MGAT4C: variants seen among roughly 807,000 people sequenced by gnomAD.
MGAT4C encodes the protein MGAT4 family member C, also known as alpha-1,3-mannosyl-glycoprotein 4-beta-N-acetylglucosaminyltransferase C.
MGAT4C carries 19 observed loss-of-function variants against 40.1 expected under a neutral mutation model. The ratio of observed to expected loss-of-function variants is 0.47; its 90% CI spans 0.33 to 0.70. MGAT4C has a LOEUF of 0.70. Ranked by LOEUF, MGAT4C falls within the 30% of genes least tolerant of loss-of-function variation. MGAT4C has a pLI of 0.02. For synonymous variants in MGAT4C, 181 were observed against 187.1 expected (o/e 0.97, Z 0.27); for missense variants, 491 against 563.2 (o/e 0.87, Z 1.30).
intron 2 of MGAT4C, among the ~76,000 whole-genome samples, chr12:86,672,633 A>G (rs889696538): frequency 2.0e-5 from 3 of 152,170 alleles, no homozygotes; most frequent in Non-Finnish European, 4.4e-5. Flanking sequence ...ATTAGTGGAT[A>G]CTATGAGCGA....
intron 4 of MGAT4C, among the ~76,000 whole-genome samples, chr12:86,305,209 G>A (rs1461818138): frequency 1.3e-5 from 2 of 150,408 alleles, no homozygotes; most frequent in African/African-American, 2.5e-5. Context: ...GGAGGCCGAA[G>A]CAGGCGGATC....
chr12:86,011,637 G>A (rs1888470353), intron 2 of MGAT4C, among the ~76,000 whole-genome samples: 1 of 152,092 alleles, frequency 6.6e-6, no homozygotes, highest in Non-Finnish European at 1.5e-5. Context: ...AGTAGGATAG[G>A]GCCAATAGGT....
At chr12:86,550,871 A>T (rs1959320553) in intron 2 of MGAT4C, among the ~76,000 whole-genome samples, 1 of 152,222 alleles carries the variant, frequency 6.6e-6, no homozygotes, top group South Asian at 2.1e-4. Flanking sequence ...GGGGCCTGAC[A>T]AATAGCCCTA....
At chr12:86,033,139 A>C (rs1222086049) in intron 2 of MGAT4C, among the ~76,000 whole-genome samples, 2 of 144,630 alleles carry the variant, frequency 1.4e-5, no homozygotes, top group Non-Finnish European at 3.1e-5. Context: ...GTTTTGTAGC[A>C]GAACCATGCT....
In MGAT4C at chr12:86,699,973, G is replaced by T. The variant is rs796471852; in HGVS notation, c.-229+27236C>A. Among the ~76,000 whole-genome samples, 12 of 151,518 alleles carry T rather than the reference G, an allele frequency of 7.9e-5. 1 individual carries two copies. The highest frequency in any genetic ancestry group is 2.4e-4 in the African/African-American group (10 of 41,316). The stretch of plus-strand genomic sequence containing the variant: ...CTTGATGTAATCGTTATTGAAAAAA[G>T]GATGTGTATAATTGGGCCTATGCAG... On this transcript the variant is annotated intron_variant, in intron 2 of 7. Coordinates refer to the MGAT4C transcript ENST00000548651.
At chr12:86,224,150 G>A (rs1428120971) in intron 1 of MGAT4C, among the ~76,000 whole-genome samples, 1 of 152,086 alleles carries the variant, frequency 6.6e-6, no homozygotes, top group Non-Finnish European at 1.5e-5. Context: ...CTGCCACCAG[G>A]GGGGTCTGAA....
chr12:86,052,997 T>G (rs923053209), intron 1 of MGAT4C, among the ~76,000 whole-genome samples: 9 of 151,970 alleles, frequency 5.9e-5, no homozygotes, highest in Admixed American at 3.3e-4. Flanking sequence ...TCACTTTATT[T>G]ATTTTACTGG....
At chr12:86,520,869 A>G (rs915724012) in intron 2 of MGAT4C, among the ~76,000 whole-genome samples, 1 of 152,104 alleles carries the variant, frequency 6.6e-6, no homozygotes, top group Non-Finnish European at 1.5e-5. Flanking sequence ...TGCTTCATGT[A>G]TGTCTTTTAA....
intron 1 of MGAT4C, among the ~76,000 whole-genome samples, chr12:86,059,975 A>T (rs997128533): frequency 6.6e-6 from 1 of 152,220 alleles, no homozygotes; most frequent in Non-Finnish European, 1.5e-5. Flanking sequence ...TTAAGAAAAG[A>T]CAGCATTTTC....
intron 1 of MGAT4C, among the ~76,000 whole-genome samples, chr12:86,727,916 CACTT>C (rs1430189869): frequency 5.9e-5 from 9 of 152,056 alleles, no homozygotes; most frequent in East Asian, 1.9e-4. Context: ...ACAAAAAACT[CACTT>C]AATTCTCAAT....
intron 1 of MGAT4C, among the ~76,000 whole-genome samples, chr12:86,747,685 C>G (rs1353642404): frequency 6.6e-6 from 1 of 151,506 alleles, no homozygotes; most frequent in East Asian, 1.9e-4. Flanking sequence ...ACTTGGCATT[C>G]TAAACATGCA....
At chr12:86,599,489 T>G (rs1961680243) in intron 2 of MGAT4C, 1 of 152,174 alleles carries the variant, frequency 6.6e-6, no homozygotes, top group Admixed American at 6.6e-5. Context: ...GCATTATGAA[T>G]GTACTTCATT....
At chr12:86,528,292 T>C (rs1958918996) in intron 2 of MGAT4C, among the ~76,000 whole-genome samples, 2 of 152,046 alleles carry the variant, frequency 1.3e-5, no homozygotes, top group Admixed American at 1.3e-4. Context: ...GGCCACAAAA[T>C]AACCATTAAT....
chr12:86,481,254 G>A (rs1042907116), intron 2 of MGAT4C, among the ~76,000 whole-genome samples: 1 of 151,910 alleles, frequency 6.6e-6, no homozygotes, highest in African/African-American at 2.4e-5. Context: ...CAGTCTAGAG[G>A]GTTATAAAGA....
intron 3 of MGAT4C, among the ~76,000 whole-genome samples, chr12:86,393,956 G>A (rs1388449419): frequency 2.0e-5 from 3 of 152,194 alleles, no homozygotes. Context: ...TCAGGCCAAT[G>A]ACACATAAAA....
intron 2 of MGAT4C, among the ~76,000 whole-genome samples, chr12:86,579,273 T>C (rs1167977094): frequency 6.6e-6 from 1 of 151,644 alleles, no homozygotes; most frequent in African/African-American, 2.4e-5. Flanking sequence ...GATTTTTCTC[T>C]GGTGATATAA....
At chr12:86,597,270 A>G (rs940493037) in intron 2 of MGAT4C, among the ~76,000 whole-genome samples, 2 of 152,220 alleles carry the variant, frequency 1.3e-5, no homozygotes, top group African/African-American at 4.8e-5. Context: ...CCAGCAAGAA[A>G]AAGCTAGAGT....
At chr12:85,990,114 T>G (rs1885716635) in intron 2 of MGAT4C, among the ~76,000 whole-genome samples, 1 of 152,082 alleles carries the variant, frequency 6.6e-6, no homozygotes, top group Non-Finnish European at 1.5e-5. Context: ...TTACAATTGC[T>G]TTGCTTATTT....
intron 1 of MGAT4C, among the ~76,000 whole-genome samples, chr12:86,100,912 A>T (rs1874894701): frequency 6.6e-6 from 1 of 151,684 alleles, no homozygotes; most frequent in Non-Finnish European, 1.5e-5. Context: ...TGGCATACAT[A>T]ATTGCAAGAT....
Sources: gnomAD v4.1 joint callset for allele counts (sites outside exome capture counted in the v4.1 genomes callset) on GRCh38, gnomAD v4.1.1 for gene constraint, MANE v1.5 for transcripts, NCBI Gene and HGNC (gene_info 2026-07-23, HGNC 2026-07-21) for gene names.